DLGAP1: variants seen among roughly 807,000 people sequenced by gnomAD.
DLGAP1 encodes DLG associated protein 1.
In DLGAP1, 11 loss-of-function variants were observed where a neutral mutation model predicts 90.8. The observed-to-expected ratio is 0.12, with a 90% confidence interval of 0.08 to 0.20. The LOEUF (loss-of-function observed/expected upper bound fraction) is 0.20, where lower values mean the gene tolerates loss of function less well. Among genes scored for constraint, DLGAP1 ranks in the 10% least tolerant of loss-of-function variants. The pLI is 1.00. For synonymous variants in DLGAP1, 558 were observed against 540.7 expected (o/e 1.03, Z -0.44); for missense variants, 1,050 against 1,333.8 (o/e 0.79, Z 3.31).
chr18:3,664,215 CACCCA>C (rs1567923472), intron 7 of DLGAP1, among the ~76,000 whole-genome samples: 41 of 88,530 alleles, frequency 4.6e-4, no homozygotes, highest in African/African-American at 2.0e-3. Context: ...CACACACACA[CACCCA>C]CACACACACA....
chr18:3,930,512 C>A (rs752695881), intron 3 of DLGAP1, among the ~76,000 whole-genome samples: 1 of 152,084 alleles, frequency 6.6e-6, no homozygotes, highest in African/African-American at 2.4e-5. Flanking sequence ...TGAGATTGTG[C>A]GGATCTGAGC....
chr18:3,580,221 C>A (rs924896976), intron 8 of DLGAP1: 3 of 1,594,218 alleles, frequency 1.9e-6, no homozygotes, highest in Non-Finnish European at 2.6e-6. Context: ...GGTGGACATT[C>A]CCCTCAGGTG....
chr18:4,313,785 A>G (rs938248198), intron 1 of DLGAP1, among the ~76,000 whole-genome samples: 1 of 152,238 alleles, frequency 6.6e-6, no homozygotes, highest in Admixed American at 6.5e-5. Flanking sequence ...TAGGACCTAA[A>G]AAATGGCTAG....
At chr18:4,013,592 CT>C (rs1291556956) in intron 2 of DLGAP1, 1 of 152,230 alleles carries the variant, frequency 6.6e-6, no homozygotes, top group African/African-American at 2.4e-5. Flanking sequence ...TTCTCCTCAA[CT>C]CTCTGACATT....
At chr18:4,236,722 GATAAA>G (rs1441749026) in intron 1 of DLGAP1, among the ~76,000 whole-genome samples, 16 of 151,436 alleles carry the variant, frequency 1.1e-4, no homozygotes, top group African/African-American at 3.9e-4. Flanking sequence ...GCTTCTACTA[GATAAA>G]ATAAAATAAT....
chr18:3,892,112 A>G (rs1408557522), intron 3 of DLGAP1: 1 of 96,386 alleles, frequency 1.0e-5, no homozygotes, highest in Non-Finnish European at 2.1e-5. Context: ...TATCACCTCT[A>G]AAACACACAC....
intron 1 of DLGAP1, among the ~76,000 whole-genome samples, chr18:4,324,197 G>A (rs1476236239): frequency 2.6e-5 from 4 of 151,478 alleles, no homozygotes; most frequent in Non-Finnish European, 4.4e-5. Context: ...ACCACTGACC[G>A]CACAGAAATA....
chr18:4,292,734 T>G (rs924304202), intron 1 of DLGAP1, among the ~76,000 whole-genome samples: 1 of 152,138 alleles, frequency 6.6e-6, no homozygotes, highest in Non-Finnish European at 1.5e-5. Context: ...CCAGATAGAA[T>G]TTCAAGGGTA....
chr18:3,540,565 T>C (rs868008216), intron 9 of DLGAP1, among the ~76,000 whole-genome samples: 6 of 150,604 alleles, frequency 4.0e-5, no homozygotes, highest in African/African-American at 1.5e-4. Context: ...ATTAGAATCA[T>C]GCATGGGAGG....
intron 7 of DLGAP1, among the ~76,000 whole-genome samples, chr18:3,601,537 C>G (rs901374605): frequency 2.6e-5 from 4 of 151,862 alleles, no homozygotes; most frequent in African/African-American, 9.7e-5. Context: ...AGTTCGACTT[C>G]ACAGATAGAA....
At chr18:3,789,211 A>G (rs1040587856) in intron 5 of DLGAP1, among the ~76,000 whole-genome samples, 8 of 152,232 alleles carry the variant, frequency 5.3e-5, no homozygotes, top group African/African-American at 1.9e-4. Flanking sequence ...CGGATAATTT[A>G]CTAGAGAAAT....
In DLGAP1 at chr18:4,218,309, G is replaced by C. The variant is rs562738770; in HGVS notation, c.-266-67022C>G. ...CTGTGTTAATTATTGTAGCTTTGTAGTTGTTCCTTTTTAAACCTTTTAAGT... is the reference window on the plus strand; with the variant it reads ...CTGTGTTAATTATTGTAGCTTTGTACTTGTTCCTTTTTAAACCTTTTAAGT... On this transcript the variant is annotated intron_variant, in intron 1 of 12. Coordinates refer to ENST00000315677, the MANE Select transcript of DLGAP1 (RefSeq NM_004746.4). 9.5e-4 allele frequency among the ~76,000 whole-genome samples: 144 copies of C among 151,868 alleles called. 1 individual carries two copies. Among genetic ancestry groups the C allele is most frequent in the South Asian group, 8.3e-3 (40 of 4,814 alleles).
chr18:3,989,268 GAGA>G (rs2073911883), intron 3 of DLGAP1, among the ~76,000 whole-genome samples: 1 of 152,238 alleles, frequency 6.6e-6, no homozygotes, highest in Non-Finnish European at 1.5e-5. Flanking sequence ...TGCATGGGAT[GAGA>G]AGGAGAAGGT....
intron 1 of DLGAP1, among the ~76,000 whole-genome samples, chr18:4,338,004 G>A (rs1364849805): frequency 1.3e-5 from 2 of 152,092 alleles, no homozygotes; most frequent in Admixed American, 1.3e-4. Context: ...TTAAAACAGA[G>A]TGAATCATAG....
chr18:4,146,589 C>T (rs2076589162), intron 2 of DLGAP1, among the ~76,000 whole-genome samples: 1 of 152,084 alleles, frequency 6.6e-6, no homozygotes, highest in African/African-American at 2.4e-5. Flanking sequence ...TAGCCAAGAA[C>T]ATACAGCAAG....
chr18:3,749,148 C>CTTTTTTTTTT (rs776707431), intron 5 of DLGAP1, among the ~76,000 whole-genome samples: 3 of 120,692 alleles, frequency 2.5e-5, no homozygotes, highest in Non-Finnish European at 3.4e-5. Context: ...TCTTCTTCTT[C>CTTTTTTTTTT]TTTTTTTTTT....
At chr18:4,435,517 G>C (rs1415205647) in intron 1 of DLGAP1, among the ~76,000 whole-genome samples, 1 of 152,154 alleles carries the variant, frequency 6.6e-6, no homozygotes, top group African/African-American at 2.4e-5. Flanking sequence ...AACGGAAATA[G>C]AAAGTTAAAA....
intron 2 of DLGAP1, among the ~76,000 whole-genome samples, chr18:4,072,896 C>T (rs966986036): frequency 1.3e-5 from 2 of 152,066 alleles, no homozygotes; most frequent in Non-Finnish European, 2.9e-5. Flanking sequence ...GAGACAAAGG[C>T]AAGATAATTT....
At chr18:3,940,442 T>A (rs936088034) in intron 3 of DLGAP1, among the ~76,000 whole-genome samples, 2 of 152,254 alleles carry the variant, frequency 1.3e-5, no homozygotes, top group African/African-American at 4.8e-5. Context: ...ATAGATTAAA[T>A]GGACCCTATT....
Sources: allele counts gnomAD v4.1 joint callset (sites outside exome capture counted in the v4.1 genomes callset), GRCh38; gene constraint gnomAD v4.1.1; transcripts MANE v1.5; gene names NCBI Gene and HGNC (gene_info 2026-07-23, HGNC 2026-07-21).